The following CPZ variants were observed in gnomAD, a reference collection of about 807,000 sequenced individuals.
The protein encoded by CPZ is VEZT/CPZ fusion.
CPZ carries 103 observed loss-of-function variants against 61.8 expected under a neutral mutation model. The ratio of observed to expected loss-of-function variants is 1.67; its 90% CI spans 1.42 to 1.96. CPZ has a LOEUF of 1.96. Ranked by LOEUF, CPZ falls within the 30% of genes most tolerant of loss-of-function variation. The pLI is 0.00. For synonymous variants in CPZ, 551 were observed against 373.7 expected (o/e 1.47, Z -5.47); for missense variants, 1,461 against 914.9 (o/e 1.60, Z -7.70).
chr4:8,607,561 T>C (rs879260780), intron 7 of CPZ, 136 bp downstream of exon 7: 2 of 968,244 alleles, frequency 2.1e-6, no homozygotes, highest in Admixed American at 2.8e-5. Flanking sequence ...CAGCACCACC[T>C]GCTCCAGGCC....
intron 7 of CPZ, 80 bp from the exon 8 acceptor site, chr4:8,611,947 G>C: frequency 6.2e-7 from 1 of 1,602,630 alleles, no homozygotes; most frequent in Non-Finnish European, 8.5e-7. Flanking sequence ...TGCACGCGCA[G>C]CTCCTCCCCT....
At chr4:8,596,986 A>G (rs780416136) in intron 1 of CPZ, among the ~76,000 whole-genome samples, 1 of 152,212 alleles carries the variant, frequency 6.6e-6, no homozygotes, top group Non-Finnish European at 1.5e-5. Context: ...GCTCAGGGCC[A>G]GGCCACGCTC....
intron 7 of CPZ, among the ~76,000 whole-genome samples, chr4:8,610,938 G>A (rs541646686): frequency 6.6e-6 from 1 of 151,838 alleles, no homozygotes; most frequent in Non-Finnish European, 1.5e-5. Flanking sequence ...ACCCCCACCA[G>A]GGAGAGATCT....
chr4:8,615,191 G>A (rs1362155165), intron 9 of CPZ, among the ~76,000 whole-genome samples: 3 of 152,118 alleles, frequency 2.0e-5, no homozygotes. Context: ...TCACCCAGAA[G>A]CAGGCAGGTG....
chr4:8,598,031 G>GT (rs1714308208), intron 1 of CPZ, among the ~76,000 whole-genome samples: 1 of 152,194 alleles, frequency 6.6e-6, no homozygotes, highest in Non-Finnish European at 1.5e-5. Context: ...GGGAGGGAGA[G>GT]TGAGCCCAAG....
At chr4:8,610,444 A>C (rs532872775) in intron 7 of CPZ, among the ~76,000 whole-genome samples, 3 of 152,090 alleles carry the variant, frequency 2.0e-5, no homozygotes, top group South Asian at 4.2e-4. Flanking sequence ...GGCAGGGAGG[A>C]GGGACTGTAG....
intron 4 of CPZ, among the ~76,000 whole-genome samples, chr4:8,605,580 C>CATCCATCCATCATCTATTCATCCATCA (rs148157562): frequency 0.15 from 22,107 of 149,204 alleles, 2,111 homozygotes; most frequent in African/African-American, 0.27. Flanking sequence ...TCCATCCAGC[C>CATCCATCCATCATCTATTCATCCATCA]ATCCAGCCAG....
chr4:8,603,334 G>T (rs766794852), intron 3 of CPZ: 1 of 152,292 alleles, frequency 6.6e-6, no homozygotes, highest in Admixed American at 6.5e-5. Flanking sequence ...AAGCTGGTGC[G>T]TATGTGGTGT....
chr4:8,617,386 C>T (rs1270996296), intron 9 of CPZ, among the ~76,000 whole-genome samples: 1 of 152,336 alleles, frequency 6.6e-6, no homozygotes, highest in South Asian at 2.1e-4. Flanking sequence ...GTCCCGGGGC[C>T]AGGGAAGGAG....
At chr4:8,601,000 C>A in intron 2 of CPZ, 123 bp from the exon 3 acceptor site, 1 of 1,425,956 alleles carries the variant, frequency 7.0e-7, no homozygotes, top group Non-Finnish European at 9.2e-7. Context: ...TCCTCCCCTG[C>A]CAGACCGTGG....
Position 8,619,323 on chromosome 4 carries a change from C to T in CPZ, c.1665C>T (p.Ala555=), listed in dbSNP as rs773860965. 2.1e-5 allele frequency: 34 copies of T among 1,614,114 alleles called. No individual in the cohort carries two copies. In the South Asian group the frequency reaches 3.6e-4, roughly 17 times the overall value. ...GTATCCACATTGTCATTGCCCAAGC[C>T]CCTGGCTACGCCAAAGTCATCAAGA... ...PPGIHIVIAQ[A]PGYAKVIKKV... Residue 555 remains alanine, a synonymous_variant, in exon 11 of 11, where the codon GCC becomes GCT. Coordinates refer to ENST00000360986, the MANE Select transcript of CPZ (RefSeq NM_001014447.3).
chr4:8,600,762 T>C (rs1340595998), intron 2 of CPZ, among the ~76,000 whole-genome samples: 1 of 152,246 alleles, frequency 6.6e-6, no homozygotes, highest in Admixed American at 6.5e-5. Flanking sequence ...GTCTTTGTGC[T>C]GCGGCTGTGG....
chr4:8,616,194 T>G (rs1682790438), intron 9 of CPZ, among the ~76,000 whole-genome samples: 1 of 152,156 alleles, frequency 6.6e-6, no homozygotes, highest in South Asian at 2.1e-4. Context: ...GGGCTCCTGA[T>G]AAGGATCAAG....
intron 9 of CPZ, 106 bp from the exon 10 acceptor site, chr4:8,618,323 C>G: frequency 9.4e-7 from 1 of 1,063,518 alleles, no homozygotes. Flanking sequence ...GGGGTAGTTC[C>G]CCCTAGATAC....
chr4:8,619,317 C>T lies in CPZ; in HGVS notation c.1659C>T (p.Ala553=), dbSNP rs748917562. The change falls in exon 11 of 11, where the codon GCC becomes GCT. Residue 553 remains alanine (A), a synonymous_variant. Transcript: ENST00000360986. The part of the protein sequence containing the change: ...LLPPGIHIVI[A]QAPGYAKVIK... ...CCCCAGGTATCCACATTGTCATTGC[C>T]CAAGCCCCTGGCTACGCCAAAGTCA... 1.9e-6 allele frequency: 3 copies of T among 1,614,056 alleles called. No homozygotes were observed. The highest frequency in any genetic ancestry group is 1.1e-5 in the South Asian group (1 of 91,052).
At chr4:8,598,646 C>T (rs553278163) in intron 1 of CPZ, among the ~76,000 whole-genome samples, 12 of 152,346 alleles carry the variant, frequency 7.9e-5, no homozygotes, top group South Asian at 2.1e-4. Flanking sequence ...CAGCACTAGC[C>T]GGGTTTTAAA....
chr4:8,597,809 A>G (rs1014442801), intron 1 of CPZ, among the ~76,000 whole-genome samples: 19 of 152,346 alleles, frequency 1.2e-4, no homozygotes, highest in Admixed American at 1.2e-3. Context: ...GGCTCGGACC[A>G]TAGGTCGTCT....
At position 8,607,273 on chromosome 4, in the gene CPZ, C is replaced by T. The variant is rs569997837; in HGVS notation, c.1075C>T (p.Pro359Ser). The T allele has an allele frequency of 6.2e-7, 1 of 1,614,032 alleles. No homozygotes were observed. The highest frequency in any genetic ancestry group is 1.3e-5 in the African/African-American group (1 of 75,056). Residue 359 changes from proline to serine, a missense_variant, in exon 7 of 11, where the codon CCG (proline) becomes TCG (serine). Physicochemically the swap from Pro to Ser is moderately conservative, Grantham distance 74. Coordinates refer to ENST00000360986, the MANE Select transcript of CPZ (RefSeq NM_001014447.3). ...CCTCGTCTGTCCTGGGCAGGTGGCCCCGGAGACAAAGGCAATCATGAAGTG... is the reference window on the plus strand; with the variant it reads ...CCTCGTCTGTCCTGGGCAGGTGGCCTCGGAGACAAAGGCAATCATGAAGTG... ...PQHYWWGKVA[P>S]ETKAIMKWMQ...
chr4:8,598,643 A>G (rs889310862), intron 1 of CPZ, among the ~76,000 whole-genome samples: 3 of 152,132 alleles, frequency 2.0e-5, no homozygotes, highest in Non-Finnish European at 4.4e-5. Context: ...TCCCAGCACT[A>G]GCCGGGTTTT....
Sources: gnomAD v4.1 joint callset for allele counts (sites outside exome capture counted in the v4.1 genomes callset) on GRCh38, gnomAD v4.1.1 for gene constraint, MANE v1.5 for transcripts, NCBI Gene and HGNC (gene_info 2026-07-23, HGNC 2026-07-21) for gene names.